Variants in IER2 observed in about 807,000 individuals in gnomAD.
IER2 encodes immediate early response gene 2 protein.
For missense variants in IER2, 372 were observed against 325.4 expected, an observed-to-expected ratio of 1.14 and a Z score of -1.10; for synonymous variants, 198 against 149.6, an observed-to-expected ratio of 1.32 and a Z score of -2.36.
intron 1 of IER2, chr19:13,152,256 G>T (rs1366965440): frequency 1.3e-5 from 2 of 152,210 alleles, no homozygotes; most frequent in African/African-American, 2.4e-5. Flanking sequence ...GTGCGCGCCG[G>T]GTTCGCAGCC....
chr19:13,153,706 C>T lies in IER2; in HGVS notation c.520C>T (p.Leu174=), dbSNP rs764238391. 3.1e-6 allele frequency: 5 copies of T among 1,610,302 alleles called. No homozygotes were observed. The highest frequency in any genetic ancestry group is 1.1e-5 in the South Asian group (1 of 91,054). ...GCAAGCGGAGGGCGCCTTTCCCAAC[C>T]TGGCCCGCGTCCTGCAGAGGCGCTT... is the stretch of plus-strand genomic sequence containing the variant. ...PAQAEGAFPN[L]ARVLQRRFSG... Residue 174 remains leucine, a synonymous_variant, in exon 2 of 2, where the codon CTG becomes TTG. Coordinates refer to ENST00000292433, the MANE Select transcript of IER2 (RefSeq NM_004907.3).
Position 13,153,864 on chromosome 19 carries a change from C to A in IER2, c.*6C>A. 7.1e-7 allele frequency: 1 copy of A among 1,413,116 alleles called. No individual in the cohort carries two copies. Among genetic ancestry groups the A allele is most frequent in the Non-Finnish European group, 9.2e-7 (1 of 1,090,492 alleles). 87.5% of individuals were successfully genotyped at this position (1,413,116 alleles called of 1,614,324 possible). ...GGGCCGTGGTGGCCTTCTGAGGACC[C>A]CGAGCGGCGCTGCCGGAGCCCAGAG... On this transcript the variant is annotated 3_prime_UTR_variant, in exon 2 of 2. Coordinates refer to ENST00000292433, the MANE Select transcript of IER2 (RefSeq NM_004907.3).
chr19:13,151,786 G>A (rs907643896), intron 1 of IER2, among the ~76,000 whole-genome samples: 1 of 138,464 alleles, frequency 7.2e-6, no homozygotes, highest in East Asian at 2.5e-4. Flanking sequence ...GGAGCGCAAA[G>A]CCCCGCCCCT....
intron 1 of IER2, chr19:13,151,979 G>C (rs1378079329): frequency 6.6e-6 from 1 of 152,366 alleles, no homozygotes; most frequent in African/African-American, 2.4e-5. Context: ...CGGAAAGGGG[G>C]CGGGGGGCGC....
At chr19:13,151,902 C>T (rs951730871) in intron 1 of IER2, 16 of 152,118 alleles carry the variant, frequency 1.1e-4, no homozygotes, top group Admixed American at 3.3e-4. Flanking sequence ...CTACGTCACT[C>T]CGTCCAAATT....
chr19:13,151,042 G>A (rs969028442), intron 1 of IER2, among the ~76,000 whole-genome samples: 1 of 152,190 alleles, frequency 6.6e-6, no homozygotes, highest in Non-Finnish European at 1.5e-5. Flanking sequence ...TAGGGGCCAG[G>A]AATATCAGCG....
chr19:13,150,491 C>A lies in IER2; in HGVS notation c.-305C>A. 3.1e-6 allele frequency: 1 copy of A among 319,788 alleles called. No individual in the cohort carries two copies. The highest frequency in any genetic ancestry group is 4.1e-5 in the South Asian group (1 of 24,108). 19.8% of individuals were successfully genotyped at this position (319,788 alleles called of 1,614,324 possible). A position where few individuals can be genotyped will look rare whatever the true frequency, so the allele number is the denominator to read the frequency against. ...CGGGTCCGAGTTCGGAATTTCGGTT[C>A]AAGGCCCAGTTCCTCGGATTGTTCC... On this transcript the variant is annotated 5_prime_UTR_variant, in exon 1 of 2. Coordinates refer to ENST00000292433, the MANE Select transcript of IER2 (RefSeq NM_004907.3). This position sits in a 1 kb window ranked among gnomAD's most constrained non-coding sequence, Gnocchi z 4.0.
In IER2 at chr19:13,153,486, G is replaced by A; in HGVS notation, c.300G>A (p.Glu100=). Reference sequence around the variant, plus strand: ...TTCCGGAGCCAATGGACACGCAGGAGGCGCCGACAGCCGAGGAGACCTCCG... The same window carrying A: ...TTCCGGAGCCAATGGACACGCAGGAAGCGCCGACAGCCGAGGAGACCTCCG... ...HPFPEPMDTQ[E]APTAEETSAC... Residue 100 remains glutamate (E), a synonymous_variant, in exon 2 of 2, where the codon GAG becomes GAA. Coordinates refer to ENST00000292433, the MANE Select transcript of IER2 (RefSeq NM_004907.3). 2 of 1,588,348 alleles carry A rather than the reference G, an allele frequency of 1.3e-6. No individual in the cohort carries two copies.
At chr19:13,152,309 A>G (rs1333835060) in intron 1 of IER2, 1 of 152,206 alleles carries the variant, frequency 6.6e-6, no homozygotes, top group Non-Finnish European at 1.5e-5. Flanking sequence ...GTCGCGGGAA[A>G]CTGCGGGGGA....
At position 13,153,678 on chromosome 19, in the gene IER2, G is replaced by A. The variant is rs776474834; in HGVS notation, c.492G>A (p.Pro164=). 3.7e-6 allele frequency: 6 copies of A among 1,612,446 alleles called. No individual in the cohort carries two copies. Among genetic ancestry groups the A allele is most frequent in the Non-Finnish European group, 5.1e-6 (6 of 1,179,752 alleles). The part of the protein sequence containing the change: ...SEVADRLQPP[P]AQAEGAFPNL... ...TCGCCGATCGCCTGCAGCCCCCTCC[G>A]GCGCAAGCGGAGGGCGCCTTTCCCA... Residue 164 remains proline, a synonymous_variant, in exon 2 of 2, where the codon CCG becomes CCA. Coordinates refer to ENST00000292433, the MANE Select transcript of IER2 (RefSeq NM_004907.3).
chr19:13,150,857 C>T lies in IER2; in HGVS notation c.-244+305C>T, dbSNP rs2020046561. 6.6e-6 allele frequency among the ~76,000 whole-genome samples: 1 copy of T among 152,000 alleles called. No homozygotes were observed. Among genetic ancestry groups the T allele is most frequent in the African/African-American group, 2.4e-5 (1 of 41,350 alleles). On this transcript the variant is annotated intron_variant, in intron 1 of 1. Transcript: ENST00000292433. This position sits in a 1 kb window ranked among gnomAD's most constrained non-coding sequence, Gnocchi z 4.0. Reference sequence around the variant, plus strand: ...CGAGGTCGCCTTGGGGCGAGGTGGTCGTGAGGGGGTCCCAGATATGCCAGC... The same window carrying T: ...CGAGGTCGCCTTGGGGCGAGGTGGTTGTGAGGGGGTCCCAGATATGCCAGC...
rs1276251148 is a variant in IER2, at chr19:13,153,398, T to G, written c.212T>G (p.Leu71Arg). Residue 71 changes from leucine (L) to arginine (R), a missense_variant, in exon 2 of 2, where the codon CTG (leucine) becomes CGG (arginine). By Grantham distance (102) the Leu-to-Arg change is moderately radical. Coordinates refer to ENST00000292433, the MANE Select transcript of IER2 (RefSeq NM_004907.3). The part of the protein sequence containing the change: ...LPAALPSDPR[L>R]HPPREAESTA... ...GCCGCCCTCCCCTCTGACCCTCGCC[T>G]GCACCCGCCCCGAGAAGCCGAGTCC... is the stretch of plus-strand genomic sequence containing the variant. 6.3e-7 allele frequency: 1 copy of G among 1,587,078 alleles called. No individual in the cohort carries two copies. The highest frequency in any genetic ancestry group is 8.6e-7 in the Non-Finnish European group (1 of 1,169,542).
rs1201998225 is a variant in IER2 at position 13,150,606 on chromosome 19, A to G, written c.-244+54A>G. The G allele has an allele frequency of 1.7e-5, 3 of 176,114 alleles. No homozygotes were observed. Among genetic ancestry groups the G allele is most frequent in the African/African-American group, 7.2e-5 (3 of 41,586 alleles). 10.9% of individuals were successfully genotyped at this position (176,114 alleles called of 1,614,324 possible). A position where few individuals can be genotyped will look rare whatever the true frequency, so the allele number is the denominator to read the frequency against. ...GGCGGCTGGGTATTATGGCTGGGGA[A>G]GGGGCTCATTCGATTCGTTGAAGCT... On this transcript the variant is annotated intron_variant, in intron 1 of 1. Transcript: ENST00000292433. This position sits in a 1 kb window ranked among gnomAD's most constrained non-coding sequence, Gnocchi z 4.0.
chr19:13,152,580 C>T (rs1363766118), intron 1 of IER2: 1 of 152,324 alleles, frequency 6.6e-6, no homozygotes, highest in Non-Finnish European at 1.5e-5. Flanking sequence ...GAGCTCTTAA[C>T]CTAGCCTGGC....
intron 1 of IER2, among the ~76,000 whole-genome samples, chr19:13,151,808 C>CA (rs1050196341): frequency 1.4e-5 from 1 of 71,574 alleles, no homozygotes; most frequent in South Asian, 7.2e-4. Flanking sequence ...CGCGCCCCCC[C>CA]CCCGGAAGCC....
chr19:13,153,202 G>A lies in IER2; in HGVS notation c.16G>A (p.Glu6Lys), dbSNP rs2020086913. The A allele has an allele frequency of 9.2e-6, 14 of 1,513,802 alleles. No individual in the cohort carries two copies. The East Asian group carries it at 1.2e-4, about 13-fold the overall frequency. 93.8% of individuals were successfully genotyped at this position (1,513,802 alleles called of 1,614,324 possible). MEVQK[E>K]AQRIMTLSVW... ...TCGAGTCGCCATGGAAGTGCAGAAA[G>A]AGGCACAGCGCATCATGACCCTGTC... The change falls in exon 2 of 2, where the codon GAG becomes AAG. Residue 6 changes from glutamate (E) to lysine (K), a missense_variant. Coordinates refer to ENST00000292433, the MANE Select transcript of IER2 (RefSeq NM_004907.3).
At position 13,153,568 on chromosome 19, in the gene IER2, A is replaced by T. The variant is rs965084941; in HGVS notation, c.382A>T (p.Ser128Cys). Residue 128 changes from serine to cysteine, a missense_variant, in exon 2 of 2, where the codon AGC becomes TGC. Transcript: ENST00000292433. The part of the protein sequence containing the change: ...VSRKRRSSSL[S>C]DGGDAGLVPS... ...CCGCAAACGACGCAGCAGCAGCCTG[A>T]GCGACGGCGGGGACGCTGGACTGGT... is the stretch of plus-strand genomic sequence containing the variant. The T allele has an allele frequency of 1.3e-6, 2 of 1,599,202 alleles. No homozygotes were observed. Among genetic ancestry groups the T allele is most frequent in the African/African-American group, 1.3e-5 (1 of 74,504 alleles).
chr19:13,154,141 G>T lies in IER2; in HGVS notation c.*283G>T, dbSNP rs2020101653. ...AGGTGCTGTCTTAGTGGACTGGGAC[G>T]TGAACCTTTCGCTCTCCTTCTGGAC... On this transcript the variant is annotated 3_prime_UTR_variant, in exon 2 of 2. Coordinates refer to ENST00000292433, the MANE Select transcript of IER2 (RefSeq NM_004907.3). 1 of 436,740 alleles carries T rather than the reference G, an allele frequency of 2.3e-6. No individual in the cohort carries two copies. The highest frequency in any genetic ancestry group is 3.9e-5 in the East Asian group (1 of 25,922). The allele number at this position is 436,740 out of a possible 1,614,324, so 27.1% of individuals were successfully genotyped here. A position where few individuals can be genotyped will look rare whatever the true frequency, so the allele number is the denominator to read the frequency against.
At position 13,153,829 on chromosome 19, in the gene IER2, G is replaced by A; in HGVS notation, c.643G>A (p.Val215Met). The A allele has an allele frequency of 1.4e-6, 2 of 1,467,240 alleles. No individual in the cohort carries two copies. The highest frequency in any genetic ancestry group is 2.6e-5 in the Admixed American group (1 of 38,960). 90.9% of individuals were successfully genotyped at this position (1,467,240 alleles called of 1,614,324 possible). The change falls in exon 2 of 2, where the codon GTG becomes ATG. Residue 215 changes from valine to methionine, a missense_variant. Physicochemically the swap from Val to Met is conservative, Grantham distance 21. Coordinates refer to ENST00000292433, the MANE Select transcript of IER2 (RefSeq NM_004907.3). ...ACRPADSMLN[V>M]LVRAVVAF ...CCGCCCGGCGGACAGCATGCTCAAC[G>A]TGCTCGTGCGGGCCGTGGTGGCCTT...
Sources: allele counts gnomAD v4.1 joint callset (sites outside exome capture counted in the v4.1 genomes callset), GRCh38; gene constraint gnomAD v4.1.1; non-coding constraint Gnocchi (gnomAD v3.1); transcripts MANE v1.5; gene names NCBI Gene and HGNC (gene_info 2026-07-23, HGNC 2026-07-21).